CCDC82: variants seen among roughly 807,000 people sequenced by gnomAD.
CCDC82 encodes the protein coiled-coil domain-containing protein 82.
CCDC82 carries 47 observed loss-of-function variants against 60.6 expected under a neutral mutation model. That is an observed-to-expected ratio of 0.77 (90% CI 0.61 to 0.99). CCDC82 has a LOEUF of 0.99. Among genes scored for constraint, CCDC82 ranks in the 50% least tolerant of loss-of-function variants. CCDC82 has a pLI of 0.00. For missense variants in CCDC82, 588 were observed against 633.0 expected (o/e 0.93, Z 0.76); for synonymous variants, 212 against 207.4 (o/e 1.02, Z -0.19).
At chr11:96,387,882 T>C (rs183396853) in intron 1 of CCDC82, 4 of 152,138 alleles carry the variant, frequency 2.6e-5, no homozygotes, top group African/African-American at 9.7e-5. Context: ...AATTGCAAAA[T>C]TTAAAGGAGT....
At chr11:96,367,820 CTTTTTTTTT>C (rs777554159) in intron 7 of CCDC82, among the ~76,000 whole-genome samples, 3 of 122,714 alleles carry the variant, frequency 2.4e-5, no homozygotes, top group Non-Finnish European at 5.0e-5. Flanking sequence ...AAATGTATTT[CTTTTTTTTT>C]TTTTTTTTTT....
intron 8 of CCDC82, among the ~76,000 whole-genome samples, chr11:96,360,535 TG>T (rs1375079256): frequency 6.6e-6 from 1 of 152,056 alleles, no homozygotes; most frequent in East Asian, 1.9e-4. Context: ...CTGTAGAAAA[TG>T]CATCAGAAAG....
chr11:96,364,782 T>C, intron 8 of CCDC82, 198 bp downstream of exon 8: 4 of 497,400 alleles, frequency 8.0e-6, no homozygotes, highest in South Asian at 5.0e-5. Flanking sequence ...CAGAGTCTAG[T>C]TGAAGCACAG....
At chr11:96,376,430 CTTT>C (rs1291548577) in intron 5 of CCDC82, among the ~76,000 whole-genome samples, 6 of 140,794 alleles carry the variant, frequency 4.3e-5, no homozygotes, top group African/African-American at 5.2e-5. Flanking sequence ...CCGTGCTTTT[CTTT>C]TTTTTTTTTT....
chr11:96,381,265 C>T (rs2136191442), intron 5 of CCDC82: 1 of 151,634 alleles, frequency 6.6e-6, no homozygotes, highest in East Asian at 1.9e-4. Context: ...TTGAGTATCC[C>T]TGTAATTTAA....
At chr11:96,363,967 T>C (rs1224095623) in intron 8 of CCDC82, 1 of 152,194 alleles carries the variant, frequency 6.6e-6, no homozygotes, top group Non-Finnish European at 1.5e-5. Context: ...ATTGTTTTTT[T>C]AAATATTTGA....
chr11:96,379,867 T>G (rs1034193686), intron 5 of CCDC82, among the ~76,000 whole-genome samples: 2 of 151,792 alleles, frequency 1.3e-5, no homozygotes, highest in African/African-American at 2.4e-5. Context: ...GCTTAACGAC[T>G]GGACTGAAGT....
At chr11:96,377,341 ATATG>A (rs1480603439) in intron 5 of CCDC82, among the ~76,000 whole-genome samples, 19 of 118,302 alleles carry the variant, frequency 1.6e-4, no homozygotes, top group African/African-American at 6.5e-4. Context: ...CTTTTAGCTT[ATATG>A]TGTGTACATA....
rs572800469 is a variant in CCDC82, at chr11:96,359,994, T to C, written c.1381-816A>G. ...ATTCTATGATTAAGAACTCTTTTTA[T>C]GAAATCAAATAACCAGAACCTTTCT... On this transcript the variant is annotated intron_variant, in intron 8 of 9. Transcript: ENST00000646818. Among the ~76,000 whole-genome samples the C allele has an allele frequency of 2.0e-5, 3 of 151,386 alleles. No homozygotes were observed. In the East Asian group the frequency reaches 5.8e-4, roughly 29 times the overall value.
At chr11:96,367,924 G>A (rs113308422) in intron 7 of CCDC82, among the ~76,000 whole-genome samples, 7 of 150,736 alleles carry the variant, frequency 4.6e-5, no homozygotes, top group African/African-American at 1.5e-4. Context: ...AGGTTCAAGC[G>A]ATTCTCCTGT....
At chr11:96,376,180 C>T (rs1405859078) in intron 5 of CCDC82, among the ~76,000 whole-genome samples, 1 of 152,084 alleles carries the variant, frequency 6.6e-6, no homozygotes, top group African/African-American at 2.4e-5. Context: ...TCCATGTATC[C>T]TTTATCACAT....
chr11:96,353,743 T>A, intron 9 of CCDC82, 29 bp from the exon 10 acceptor site: 4 of 1,551,818 alleles, frequency 2.6e-6, no homozygotes, highest in Non-Finnish European at 3.5e-6. Context: ...AGCTAGTTAT[T>A]TTACTCAAAG....
intron 1 of CCDC82, chr11:96,389,547 G>C (rs1866426646): frequency 1.3e-5 from 2 of 152,266 alleles, no homozygotes; most frequent in East Asian, 3.9e-4. Context: ...ACAATTACAA[G>C]GGTCTGGAAA....
chr11:96,359,152 G>A lies in CCDC82; in HGVS notation c.1407C>T (p.Ala469=). The A allele has an allele frequency of 6.3e-7, 1 of 1,578,064 alleles. No homozygotes were observed. Among genetic ancestry groups the A allele is most frequent in the South Asian group, 1.2e-5 (1 of 83,496 alleles). Reference sequence around the variant, plus strand: ...GTTTATGATAAATTCTGGTACGGCTGGCACAAATTCTGCCAACAGTGAACA... The same window carrying A: ...GTTTATGATAAATTCTGGTACGGCTAGCACAAATTCTGCCAACAGTGAACA... ...KQVFTVGRIC[A]SRTRIYHKLK... Residue 469 remains alanine, a synonymous_variant, in exon 9 of 10, where the codon GCC becomes GCT. Transcript: ENST00000646818.
intron 9 of CCDC82, chr11:96,355,029 A>G (rs560194541): frequency 2.0e-5 from 3 of 152,342 alleles, no homozygotes; most frequent in East Asian, 3.9e-4. Context: ...ATGGAAACAC[A>G]TAACAGAAGG....
chr11:96,363,633 T>C (rs1287295029), intron 8 of CCDC82: 2 of 152,210 alleles, frequency 1.3e-5, no homozygotes, highest in Non-Finnish European at 1.5e-5. Flanking sequence ...CTTATAGACA[T>C]TGAGTATGTA....
chr11:96,366,192 G>A (rs7110131), intron 7 of CCDC82, among the ~76,000 whole-genome samples: 107,163 of 152,106 alleles, frequency 0.7, 37,993 homozygotes, highest in African/African-American at 0.8. Flanking sequence ...AGTGACTACA[G>A]TCAGCAGAGC....
chr11:96,358,151 G>C (rs1181100647), intron 9 of CCDC82: 1 of 987,236 alleles, frequency 1.0e-6, no homozygotes, highest in Non-Finnish European at 1.2e-6. Context: ...ATATAGTCCA[G>C]GCAATGGATC....
intron 7 of CCDC82, among the ~76,000 whole-genome samples, chr11:96,370,015 A>C (rs1865178100): frequency 6.6e-6 from 1 of 152,212 alleles, no homozygotes; most frequent in Admixed American, 6.5e-5. Context: ...AGAGAGGTTA[A>C]ATTTATCAAA....
Sources: gnomAD v4.1 joint callset for allele counts (sites outside exome capture counted in the v4.1 genomes callset) on GRCh38, gnomAD v4.1.1 for gene constraint, MANE v1.5 for transcripts, NCBI Gene and HGNC (gene_info 2026-07-23, HGNC 2026-07-21) for gene names.